Variants in GJC1 observed in about 807,000 individuals in gnomAD.
GJC1 encodes the protein gap junction gamma-1 protein.
Under a neutral mutation model 29.3 loss-of-function variants are expected in GJC1, and 5 were observed. The observed-to-expected ratio is 0.17, with a 90% CI of 0.09 to 0.36. The LOEUF (loss-of-function observed/expected upper bound fraction) is 0.36. Ranked by LOEUF, GJC1 falls within the 10% of genes least tolerant of loss-of-function variation. The pLI, the probability that GJC1 is intolerant of heterozygous loss-of-function variation, is 1.00. For missense variants in GJC1, 310 were observed against 496.2 expected, an observed-to-expected ratio of 0.62 and a Z score of 3.56; for synonymous variants, 177 against 183.3, an observed-to-expected ratio of 0.97 and a Z score of 0.28.
In GJC1 at chr17:44,805,641, G is replaced by A. The variant is rs2049905272; in HGVS notation, c.177C>T (p.Gly59=). 6.2e-7 allele frequency: 1 copy of A among 1,614,104 alleles called. No homozygotes were observed. Among genetic ancestry groups the A allele is most frequent in the South Asian group, 1.1e-5 (1 of 91,090 alleles). ...SKFVCNTEQP[G]CENVCYDAFA... is the part of the protein sequence containing the mutation. ...ACGCATCATAACAGACATTCTCACA[G>A]CCCGGCTGTTCTGTGTTGCACACAA... The change falls in exon 3 of 3, where the codon GGC becomes GGT. Residue 59 remains glycine, a synonymous_variant. Coordinates refer to ENST00000592524, the MANE Select transcript of GJC1 (RefSeq NM_005497.4). The surrounding 1 kb of genome is among the most constrained non-coding windows in gnomAD (Gnocchi z 5.1).
In GJC1 at chr17:44,813,585, C is replaced by T. The variant is rs145262326; in HGVS notation, c.-96-6116G>A. Among the ~76,000 whole-genome samples, 530 of 148,420 alleles carry T rather than the reference C, an allele frequency of 3.6e-3. 1 individual carries two copies. The highest frequency in any genetic ancestry group is 0.013 in the African/African-American group (514 of 40,160). On this transcript the variant is annotated intron_variant, in intron 1 of 2. Transcript: ENST00000592524. ...TCAACTTACTGCAGCCTCCATCTCC[C>T]GGGTTCAAGCAATTCTCCTGCCTTA...
chr17:44,810,719 G>A (rs961281229), intron 1 of GJC1, among the ~76,000 whole-genome samples: 4 of 152,112 alleles, frequency 2.6e-5, no homozygotes, highest in African/African-American at 7.2e-5. Context: ...GTGCATGTGT[G>A]GGGAGGAGCG....
chr17:44,805,249 C>T lies in GJC1; in HGVS notation c.569G>A (p.Gly190Asp), dbSNP rs1300205691. 1 of 1,614,130 alleles carries T rather than the reference C, an allele frequency of 6.2e-7. No homozygotes were observed. Among genetic ancestry groups the T allele is most frequent in the Non-Finnish European group, 8.5e-7 (1 of 1,180,012 alleles). ...CAGAAAATACTGCCCTATCAGAAAA[C>T]CCACCTCAAACACGGTCCTTGCCAG... ...QLLARTVFEV[G>D]FLIGQYFLYG... Residue 190 changes from glycine to aspartate, a missense_variant, in exon 3 of 3, where the codon GGT becomes GAT. By Grantham distance (94) the Gly-to-Asp change is moderately conservative. This residue lies in a region of GJC1 where 45 missense variants were observed against 126.2 expected (regional missense o/e 0.36). Transcript: ENST00000592524. The surrounding 1 kb of genome is among the most constrained non-coding windows in gnomAD (Gnocchi z 5.1).
In GJC1 at chr17:44,804,339, C is replaced by T. The variant is rs1208900374; in HGVS notation, c.*288G>A. On this transcript the variant is annotated 3_prime_UTR_variant, in exon 3 of 3. Transcript: ENST00000592524. Reference sequence around the variant, plus strand: ...TACCATAATACTGTACATACAAAAACTGTTCAACAAGAATGATTTAAATAT... The same window carrying T: ...TACCATAATACTGTACATACAAAAATTGTTCAACAAGAATGATTTAAATAT... 4 of 332,346 alleles carry T rather than the reference C, an allele frequency of 1.2e-5. No homozygotes were observed. Among genetic ancestry groups the T allele is most frequent in the South Asian group, 7.1e-5 (1 of 14,018 alleles). 20.6% of individuals were successfully genotyped at this position (332,346 alleles called of 1,614,324 possible).
At chr17:44,825,962 C>T (rs553349301) in intron 1 of GJC1, among the ~76,000 whole-genome samples, 2 of 152,142 alleles carry the variant, frequency 1.3e-5, no homozygotes, top group East Asian at 1.9e-4. Context: ...GCTCTGTCGC[C>T]CAGGCTGGAG....
chr17:44,794,615 A>G (rs570486936), downstream of GJC1: 1 of 152,370 alleles, frequency 6.6e-6, no homozygotes, highest in South Asian at 2.1e-4. Context: ...ACACTTCCAT[A>G]GGAGTACACA....
intron 1 of GJC1, among the ~76,000 whole-genome samples, chr17:44,820,160 C>T (rs2050092312): frequency 6.6e-6 from 1 of 152,150 alleles, no homozygotes; most frequent in South Asian, 2.1e-4. Context: ...CAGGGTTTCA[C>T]TTTGTTGGCC....
At chr17:44,795,285 T>C (rs2049776620), downstream of GJC1, among the ~76,000 whole-genome samples, 1 of 152,198 alleles carries the variant, frequency 6.6e-6, no homozygotes, top group Non-Finnish European at 1.5e-5. Flanking sequence ...TGGAGTGCAG[T>C]GGTGCGATCT....
At chr17:44,820,881 A>C (rs1187758221) in intron 1 of GJC1, among the ~76,000 whole-genome samples, 1 of 152,254 alleles carries the variant, frequency 6.6e-6, no homozygotes, top group Non-Finnish European at 1.5e-5. Context: ...GACAATTTCT[A>C]AGCAAAAGCA....
In GJC1 at chr17:44,801,799, T is replaced by G. The variant is rs1386383540; in HGVS notation, c.*2828A>C. The stretch of plus-strand genomic sequence containing the variant: ...TCTGTATTTTTAGTAGAGATGGAGT[T>G]TCACCATGTTGACCAGTCTGGTCTT... On this transcript the variant is annotated 3_prime_UTR_variant, in exon 3 of 3. Coordinates refer to ENST00000592524, the MANE Select transcript of GJC1 (RefSeq NM_005497.4). 5 of 152,110 alleles carry G rather than the reference T, an allele frequency of 3.3e-5. No homozygotes were observed. The highest frequency in any genetic ancestry group is 4.8e-5 in the African/African-American group (2 of 41,404). The allele number at this position is 152,110 out of a possible 1,614,324, so 9.4% of individuals were successfully genotyped here.
intron 1 of GJC1, among the ~76,000 whole-genome samples, chr17:44,824,845 T>C (rs1357687869): frequency 8.9e-6 from 1 of 111,782 alleles, no homozygotes; most frequent in Non-Finnish European, 1.8e-5. Flanking sequence ...AGTGCAATAG[T>C]GAGAAGGGGG....
chr17:44,823,086 A>G (rs1437827287), intron 1 of GJC1, among the ~76,000 whole-genome samples: 3 of 152,132 alleles, frequency 2.0e-5, no homozygotes, highest in Non-Finnish European at 4.4e-5. Flanking sequence ...GCCAAAACTG[A>G]TAAATACTAC....
Position 44,801,939 on chromosome 17 carries a change from G to C in GJC1, c.*2688C>G, listed in dbSNP as rs2049852414. 6.6e-6 allele frequency: 1 copy of C among 152,138 alleles called. No homozygotes were observed. 9.4% of individuals were successfully genotyped at this position (152,138 alleles called of 1,614,324 possible). On this transcript the variant is annotated 3_prime_UTR_variant, in exon 3 of 3. Transcript: ENST00000592524. The stretch of plus-strand genomic sequence containing the variant: ...AATGTAAGTCCACAATATGTCATTA[G>C]GGGAGAATGACTTTGGCAAACTCAT...
intron 1 of GJC1, among the ~76,000 whole-genome samples, chr17:44,822,408 G>A (rs561667237): frequency 3.3e-5 from 5 of 151,592 alleles, no homozygotes; most frequent in East Asian, 1.9e-4. Flanking sequence ...TTGGGAGGCC[G>A]AGGCGGGTGG....
chr17:44,826,640 G>A (rs1394103715), intron 1 of GJC1, among the ~76,000 whole-genome samples: 1 of 151,876 alleles, frequency 6.6e-6, no homozygotes, highest in African/African-American at 2.4e-5. Flanking sequence ...AACCTTTATT[G>A]CCAAGGACTG....
chr17:44,797,280 G>T (rs1261499198), downstream of GJC1, among the ~76,000 whole-genome samples: 4 of 151,928 alleles, frequency 2.6e-5, no homozygotes, highest in Non-Finnish European at 5.9e-5. Context: ...TAATTTTTTT[G>T]TATTTTTAGT....
At chr17:44,809,985 A>G (rs2049957456) in intron 1 of GJC1, among the ~76,000 whole-genome samples, 1 of 151,576 alleles carries the variant, frequency 6.6e-6, no homozygotes, top group Non-Finnish European at 1.5e-5. Flanking sequence ...CAGCCTCCCG[A>G]GCAGCTGGGA....
rs1567704314 is a variant in GJC1, at chr17:44,800,975, A to C, written c.*3652T>G. ...CCTATTTCTTTTACAAATCTTCTGA[A>C]TAACGGGTTTTAAGAGCAGGCCAGG... On this transcript the variant is annotated 3_prime_UTR_variant, in exon 3 of 3. Transcript: ENST00000592524. The C allele has an allele frequency of 6.6e-6, 1 of 151,822 alleles. No individual in the cohort carries two copies. Among genetic ancestry groups the C allele is most frequent in the Non-Finnish European group, 1.5e-5 (1 of 67,992 alleles). 9.4% of individuals were successfully genotyped at this position (151,822 alleles called of 1,614,324 possible).
In GJC1 at chr17:44,805,767, G is replaced by A. The variant is rs374540789; in HGVS notation, c.51C>T (p.Ser17=). Residue 17 remains serine (S), a synonymous_variant, in exon 3 of 3, where the codon TCC becomes TCT. Coordinates refer to ENST00000592524, the MANE Select transcript of GJC1 (RefSeq NM_005497.4). The surrounding 1 kb of genome is among the most constrained non-coding windows in gnomAD (Gnocchi z 5.1). ...TGAGCCAGATCTTCCCCACAAATGT[G>A]GAATGGTTGTGAATCTCCTCTAGCA... is the stretch of plus-strand genomic sequence containing the variant. The part of the protein sequence containing the change: ...TRLLEEIHNH[S]TFVGKIWLTV... 103 of 1,613,850 alleles carry A rather than the reference G, an allele frequency of 6.4e-5. No homozygotes were observed. Among genetic ancestry groups the A allele is most frequent in the Non-Finnish European group, 7.8e-5 (92 of 1,179,880 alleles).
Sources: gnomAD v4.1 joint callset for allele counts (sites outside exome capture counted in the v4.1 genomes callset) on GRCh38, gnomAD v4.1.1 for gene constraint, gnomAD v4.1.1 regional missense constraint, Gnocchi (gnomAD v3.1) non-coding constraint, MANE v1.5 for transcripts, NCBI Gene and HGNC (gene_info 2026-07-23, HGNC 2026-07-21) for gene names.